Variants in GPC6 observed in about 807,000 individuals in gnomAD.
GPC6 encodes glypican 6.
In GPC6, 14 loss-of-function variants were observed where a neutral mutation model predicts 55.2. The ratio of observed to expected loss-of-function variants is 0.25; its 90% CI spans 0.17 to 0.40. The LOEUF (loss-of-function observed/expected upper bound fraction) is 0.40. Among genes scored for constraint, GPC6 ranks in the 10% least tolerant of loss-of-function variants. GPC6 has a pLI of 1.00. For missense variants in GPC6, 641 were observed against 708.5 expected (o/e 0.90, Z 1.08); for synonymous variants, 278 against 259.6 (o/e 1.07, Z -0.68).
At chr13:94,380,189 C>T (rs182416766) in intron 6 of GPC6, among the ~76,000 whole-genome samples, 5 of 152,246 alleles carry the variant, frequency 3.3e-5, no homozygotes, top group East Asian at 1.9e-4. Context: ...AGAGAATGCT[C>T]ATTCTTAGTT....
intron 2 of GPC6, among the ~76,000 whole-genome samples, chr13:93,666,370 C>T (rs1881137333): frequency 6.6e-6 from 1 of 151,320 alleles, no homozygotes; most frequent in Non-Finnish European, 1.5e-5. Context: ...AAATGAATTC[C>T]AACTGAAAAA....
intron 4 of GPC6, among the ~76,000 whole-genome samples, chr13:94,185,994 A>G (rs1428847278): frequency 6.9e-6 from 1 of 144,240 alleles, no homozygotes; most frequent in Non-Finnish European, 1.5e-5. Context: ...CGGGAGGCGG[A>G]GCTTACAGTG....
At chr13:94,396,276 A>T (rs1260795919) in intron 7 of GPC6, among the ~76,000 whole-genome samples, 1 of 152,226 alleles carries the variant, frequency 6.6e-6, no homozygotes, top group Non-Finnish European at 1.5e-5. Context: ...GGACACAGAC[A>T]AATATAGCAC....
intron 1 of GPC6, among the ~76,000 whole-genome samples, chr13:93,405,677 A>T (rs1275911042): frequency 1.3e-5 from 2 of 151,928 alleles, no homozygotes; most frequent in African/African-American, 4.8e-5. Flanking sequence ...AAGTAAACTG[A>T]TGTTTGTCAG....
intron 4 of GPC6, among the ~76,000 whole-genome samples, chr13:94,096,737 G>A (rs1244226508): frequency 6.7e-6 from 1 of 149,556 alleles, no homozygotes; most frequent in Non-Finnish European, 1.5e-5. Flanking sequence ...TAGGCAAACA[G>A]AATATTCACC....
intron 1 of GPC6, among the ~76,000 whole-genome samples, chr13:93,337,746 G>T (rs1225336812): frequency 6.6e-6 from 1 of 152,208 alleles, no homozygotes; most frequent in Non-Finnish European, 1.5e-5. Context: ...AGCTAACAAA[G>T]AGAACGAATT....
At chr13:93,570,174 C>T (rs976375649) in intron 2 of GPC6, among the ~76,000 whole-genome samples, 1 of 152,102 alleles carries the variant, frequency 6.6e-6, no homozygotes, top group Non-Finnish European at 1.5e-5. Context: ...AACCATATAT[C>T]CTTGCAATAG....
At chr13:93,602,814 C>T (rs1167419808) in intron 2 of GPC6, among the ~76,000 whole-genome samples, 1 of 152,102 alleles carries the variant, frequency 6.6e-6, no homozygotes, top group Non-Finnish European at 1.5e-5. Flanking sequence ...TAAGTACACA[C>T]TACATGTCAA....
At chr13:93,361,156 C>T (rs1394698549) in intron 1 of GPC6, among the ~76,000 whole-genome samples, 7 of 152,248 alleles carry the variant, frequency 4.6e-5, no homozygotes, top group East Asian at 1.9e-4. Context: ...CCCTTGGTTC[C>T]TGTCACAGTT....
chr13:93,293,457 AG>A (rs1225324055), intron 1 of GPC6, among the ~76,000 whole-genome samples: 2 of 152,312 alleles, frequency 1.3e-5, no homozygotes, highest in East Asian at 3.9e-4. Flanking sequence ...AAGATTGTTT[AG>A]TACTTAGGGT....
chr13:94,029,763 T>A (rs2138723382), intron 4 of GPC6, among the ~76,000 whole-genome samples: 1 of 152,322 alleles, frequency 6.6e-6, no homozygotes, highest in East Asian at 1.9e-4. Flanking sequence ...AGAGCAGCAG[T>A]GACTTCTTAA....
rs112402357 is a variant in GPC6 at position 94,012,846 on chromosome 13, A to G, written c.712-14883A>G. Among the ~76,000 whole-genome samples, 1,351 of 152,296 alleles carry G rather than the reference A, an allele frequency of 8.9e-3. 12 individuals are homozygous for G. Among genetic ancestry groups the G allele is most frequent in the Non-Finnish European group, 0.012 (816 of 68,026 alleles). Reference sequence around the variant, plus strand: ...AGGCTAGAAATTCATAGCTTTTACCAAGGTGGATTCTCACTTCAGTGACTC... The same window carrying G: ...AGGCTAGAAATTCATAGCTTTTACCGAGGTGGATTCTCACTTCAGTGACTC... On this transcript the variant is annotated intron_variant, in intron 3 of 8. Transcript: ENST00000377047.
intron 3 of GPC6, among the ~76,000 whole-genome samples, chr13:93,949,749 G>C (rs922871489): frequency 1.7e-4 from 26 of 151,964 alleles, no homozygotes; most frequent in African/African-American, 6.0e-4. Context: ...TTTTTTTGAG[G>C]CTGGGTCTCA....
chr13:93,493,733 C>T (rs895989078), intron 1 of GPC6, among the ~76,000 whole-genome samples: 31 of 124,776 alleles, frequency 2.5e-4, no homozygotes, highest in African/African-American at 8.6e-4. Flanking sequence ...TCTTTGTTCT[C>T]GTTGGTTTCA....
chr13:94,085,826 C>A (rs1312477047), intron 4 of GPC6, among the ~76,000 whole-genome samples: 1 of 152,086 alleles, frequency 6.6e-6, no homozygotes, highest in Non-Finnish European at 1.5e-5. Flanking sequence ...GCTCTACATT[C>A]TCTTAAATAA....
chr13:94,160,114 A>G (rs1344988531), intron 4 of GPC6, among the ~76,000 whole-genome samples: 8 of 152,214 alleles, frequency 5.3e-5, no homozygotes, highest in Non-Finnish European at 2.9e-5. Context: ...AGATATTTTG[A>G]GAGAGCAAGA....
At chr13:93,879,905 G>C (rs1479366913) in intron 3 of GPC6, among the ~76,000 whole-genome samples, 2 of 151,286 alleles carry the variant, frequency 1.3e-5, no homozygotes, top group South Asian at 4.2e-4. Context: ...GTGGGCGAAG[G>C]ACATGAACAG....
rs578076424 is a variant in GPC6, at chr13:94,170,661, T to C, written c.878-115688T>C. Among the ~76,000 whole-genome samples, 14 of 152,340 alleles carry C rather than the reference T, an allele frequency of 9.2e-5. No individual in the cohort carries two copies. The South Asian group carries it at 2.9e-3, about 32-fold the overall frequency. The stretch of plus-strand genomic sequence containing the variant: ...AAAATCAGACTGGATTTTCACGTTT[T>C]CAAATTTGAAACTCATGGAAAATGC... On this transcript the variant is annotated intron_variant, in intron 4 of 8. Coordinates refer to ENST00000377047, the MANE Select transcript of GPC6 (RefSeq NM_005708.5).
intron 3 of GPC6, among the ~76,000 whole-genome samples, chr13:93,934,295 G>C (rs1013621726): frequency 6.6e-6 from 1 of 152,060 alleles, no homozygotes; most frequent in Non-Finnish European, 1.5e-5. Flanking sequence ...AAATTCTGAA[G>C]ACTTAGTATG....
Sources: allele counts gnomAD v4.1 joint callset (sites outside exome capture counted in the v4.1 genomes callset), GRCh38; gene constraint gnomAD v4.1.1; transcripts MANE v1.5; gene names NCBI Gene and HGNC (gene_info 2026-07-23, HGNC 2026-07-21).